The following ZBTB39 variants were observed in gnomAD, a reference collection of about 807,000 sequenced individuals.
ZBTB39 encodes zinc finger and BTB domain-containing protein 39.
In ZBTB39, 25 loss-of-function variants were observed where a neutral mutation model predicts 39.4. The observed-to-expected ratio is 0.63, with a 90% CI of 0.46 to 0.89. The LOEUF (loss-of-function observed/expected upper bound fraction) is 0.89, where lower values mean the gene tolerates loss of function less well. Among genes scored for constraint, ZBTB39 ranks in the 40% least tolerant of loss-of-function variants. The pLI is 0.00. For missense variants in ZBTB39, 891 were observed against 909.7 expected, an observed-to-expected ratio of 0.98 and a Z score of 0.26; for synonymous variants, 373 against 359.6, an observed-to-expected ratio of 1.04 and a Z score of -0.42.
Position 57,004,627 on chromosome 12 carries a change from G to A in ZBTB39, c.291C>T (p.Ile97=). The A allele has an allele frequency of 6.2e-7, 1 of 1,614,212 alleles. No homozygotes were observed. The highest frequency in any genetic ancestry group is 8.5e-7 in the Non-Finnish European group (1 of 1,180,044). The stretch of plus-strand genomic sequence containing the variant: ...CTACCTCGTAGATGACCCCAACATT[G>A]ATCAGGTCTGTGAAGAGTTCTGAAG... ...VYTSELFTDL[I]NVGVIYEVAE... is the part of the protein sequence containing the mutation. Residue 97 remains isoleucine, a synonymous_variant, in exon 2 of 2, where the codon ATC becomes ATT. Transcript: ENST00000300101.
chr12:57,004,932 T>A lies in ZBTB39; in HGVS notation c.-15A>T. The A allele has an allele frequency of 6.4e-7, 1 of 1,569,464 alleles. No individual in the cohort carries two copies. Among genetic ancestry groups the A allele is most frequent in the Non-Finnish European group, 8.7e-7 (1 of 1,154,532 alleles). The stretch of plus-strand genomic sequence containing the variant: ...CTCATGCCCATCTTAGCAGCTCCTA[T>A]GAAATTACCTCCTTATCAGCACAGT... On this transcript the variant is annotated 5_prime_UTR_variant, in exon 2 of 2. Transcript: ENST00000300101.
chr12:57,003,033 C>T lies in ZBTB39; in HGVS notation c.1885G>A (p.Gly629Arg). Residue 629 changes from glycine to arginine, a missense_variant, in exon 2 of 2, where the codon GGG (glycine) becomes AGG (arginine). By Grantham distance (125) the Gly-to-Arg change is moderately radical. Coordinates refer to ENST00000300101, the MANE Select transcript of ZBTB39 (RefSeq NM_014830.3). This position sits in a 1 kb window ranked among gnomAD's most constrained non-coding sequence, Gnocchi z 4.8. ...ACCTTACATTGGTATGGCTTCTCCC[C>T]CGTGTGGATCCGCCGGTGGTAGTTG... Reference protein sequence around the residue: ...EFNYHRRIHTGEKPYQCKVCH... With the variant: ...EFNYHRRIHTREKPYQCKVCH... 1 of 1,614,208 alleles carries T rather than the reference C, an allele frequency of 6.2e-7. No individual in the cohort carries two copies. The highest frequency in any genetic ancestry group is 8.5e-7 in the Non-Finnish European group (1 of 1,180,028).
chr12:57,003,017 T>C lies in ZBTB39; in HGVS notation c.1901A>G (p.Gln634Arg), dbSNP rs1364571985. 3 of 1,614,164 alleles carry C rather than the reference T, an allele frequency of 1.9e-6. No homozygotes were observed. The highest frequency in any genetic ancestry group is 2.5e-6 in the Non-Finnish European group (3 of 1,180,016). ...AAAGAACTTGTGGCACACCTTACAT[T>C]GGTATGGCTTCTCCCCCGTGTGGAT... ...RRIHTGEKPYQCKVCHKFFRG... is the reference protein window; with the variant it reads ...RRIHTGEKPYRCKVCHKFFRG... Residue 634 changes from glutamine (Q) to arginine (R), a missense_variant, in exon 2 of 2, where the codon CAA becomes CGA. Gln to Arg is a conservative substitution (Grantham distance 43). Transcript: ENST00000300101. The surrounding 1 kb of genome is among the most constrained non-coding windows in gnomAD (Gnocchi z 4.8).
Position 57,002,962 on chromosome 12 carries a change from T to C in ZBTB39, c.1956A>G (p.Leu652=), listed in dbSNP as rs1441076739. The C allele has an allele frequency of 2.5e-6, 4 of 1,614,140 alleles. No homozygotes were observed. Among genetic ancestry groups the C allele is most frequent in the African/African-American group, 2.7e-5 (2 of 74,954 alleles). The part of the protein sequence containing the change: ...FRGRSTIKCH[L]KTHSGALMYR... ...ACATGAGGGCCCCCGAGTGTGTCTTTAGGTGGCACTTGATGGTCGAGCGGC... is the reference window on the plus strand; with the variant it reads ...ACATGAGGGCCCCCGAGTGTGTCTTCAGGTGGCACTTGATGGTCGAGCGGC... The change falls in exon 2 of 2, where the codon CTA becomes CTG. Residue 652 remains leucine (L), a synonymous_variant. Transcript: ENST00000300101.
rs370599628 is a variant in ZBTB39 at position 57,002,934 on chromosome 12, G to A, written c.1984C>T (p.Arg662Cys). 62 of 1,614,118 alleles carry A rather than the reference G, an allele frequency of 3.8e-5. No individual in the cohort carries two copies. The highest frequency in any genetic ancestry group is 4.9e-5 in the Non-Finnish European group (58 of 1,180,058). ...CTGTAGTGCCCACAGACTGTGCAGC[G>A]GTACATGAGGGCCCCCGAGTGTGTC... is the stretch of plus-strand genomic sequence containing the variant. The part of the protein sequence containing the change: ...LKTHSGALMY[R>C]CTVCGHYSST... Residue 662 changes from arginine (R) to cysteine (C), a missense_variant, in exon 2 of 2, where the codon CGC becomes TGC. Arg to Cys is a radical substitution (Grantham distance 180). Coordinates refer to ENST00000300101, the MANE Select transcript of ZBTB39 (RefSeq NM_014830.3).
chr12:57,003,118 A>G lies in ZBTB39; in HGVS notation c.1800T>C (p.Pro600=). The part of the protein sequence containing the change: ...LGEELALQGQ[P]GNSKYSCKVC... Reference sequence around the variant, plus strand: ...CCTTGCAGCTATACTTGCTGTTCCCAGGTTGGCCCTGCAGCGCCAGCTCTT... The same window carrying G: ...CCTTGCAGCTATACTTGCTGTTCCCGGGTTGGCCCTGCAGCGCCAGCTCTT... The change falls in exon 2 of 2, where the codon CCT becomes CCC. Residue 600 remains proline, a synonymous_variant. Coordinates refer to ENST00000300101, the MANE Select transcript of ZBTB39 (RefSeq NM_014830.3). The surrounding 1 kb of genome is among the most constrained non-coding windows in gnomAD (Gnocchi z 4.8). 1 of 1,614,182 alleles carries G rather than the reference A, an allele frequency of 6.2e-7. No individual in the cohort carries two copies.
Position 57,004,293 on chromosome 12 carries a change from T to A in ZBTB39, c.625A>T (p.Thr209Ser). ...GGAGCAGGGGTGTCATGGTCTTCTG[T>A]CTTTGGCGGTGGTGGGGGCGGTTGC... ...LPQPPPPPPK[T>S]EDHDTPAPFT... Residue 209 changes from threonine to serine, a missense_variant, in exon 2 of 2, where the codon ACA (threonine) becomes TCA (serine). By Grantham distance (58) the Thr-to-Ser change is moderately conservative. Coordinates refer to ENST00000300101, the MANE Select transcript of ZBTB39 (RefSeq NM_014830.3). The A allele has an allele frequency of 6.2e-7, 1 of 1,614,036 alleles. No individual in the cohort carries two copies. Among genetic ancestry groups the A allele is most frequent in the Non-Finnish European group, 8.5e-7 (1 of 1,180,002 alleles).
intron 1 of ZBTB39, among the ~76,000 whole-genome samples, chr12:57,005,818 A>AC (rs1411341022): frequency 6.6e-6 from 1 of 152,224 alleles, no homozygotes; most frequent in African/African-American, 2.4e-5. Flanking sequence ...TGACTCCTGC[A>AC]CGACTAAGGA....
At chr12:57,006,141 G>C (rs1489357925) in intron 1 of ZBTB39, among the ~76,000 whole-genome samples, 1 of 152,062 alleles carries the variant, frequency 6.6e-6, no homozygotes, top group Admixed American at 6.5e-5. Flanking sequence ...CGCTGCATCG[G>C]CTGGGGCGCT....
chr12:57,002,805 C>T lies in ZBTB39; in HGVS notation c.2113G>A (p.Glu705Lys). 1 of 1,614,152 alleles carries T rather than the reference C, an allele frequency of 6.2e-7. No homozygotes were observed. Among genetic ancestry groups the T allele is most frequent in the Non-Finnish European group, 8.5e-7 (1 of 1,180,004 alleles). The change falls in exon 2 of 2, where the codon GAG (glutamate) becomes AAG (lysine). Residue 705 changes from glutamate (E) to lysine (K), a missense_variant. Coordinates refer to ENST00000300101, the MANE Select transcript of ZBTB39 (RefSeq NM_014830.3). ...CAACTGTCCGGGTTCTTATCCGCCT[C>T]TTTGGAATGGATGATGTACATGAAG... ...QTFMYIIHSK[E>K]ADKNPDS
At chr12:57,006,275 C>A in intron 1 of ZBTB39, 130 bp downstream of exon 1, 2 of 152,266 alleles carry the variant, frequency 1.3e-5, no homozygotes, top group South Asian at 3.8e-4. Context: ...CGGCCGGGGT[C>A]GGCGCGCGGG....
Position 57,003,913 on chromosome 12 carries a change from A to T in ZBTB39, c.1005T>A (p.Asn335Lys), listed in dbSNP as rs749010094. Residue 335 changes from asparagine to lysine, a missense_variant, in exon 2 of 2, where the codon AAT becomes AAA. Coordinates refer to ENST00000300101, the MANE Select transcript of ZBTB39 (RefSeq NM_014830.3). This position sits in a 1 kb window ranked among gnomAD's most constrained non-coding sequence, Gnocchi z 4.8. The stretch of plus-strand genomic sequence containing the variant: ...GCATGGCCTTATTCTCCCGATTGTC[A>T]TTCTCTCCAAAAGCCAACTCATCCT... ...DSEDELAFGE[N>K]DNRENKAMPC... The T allele has an allele frequency of 2.5e-6, 4 of 1,614,096 alleles. No individual in the cohort carries two copies.
rs780985569 is a variant in ZBTB39, at chr12:57,004,728, G to A, written c.190C>T (p.Leu64Phe). 1 of 1,614,174 alleles carries A rather than the reference G, an allele frequency of 6.2e-7. No individual in the cohort carries two copies. The change falls in exon 2 of 2, where the codon CTT becomes TTT. Residue 64 changes from leucine (L) to phenylalanine (F), a missense_variant. Leu to Phe is a conservative substitution (Grantham distance 22, BLOSUM62 0). Transcript: ENST00000300101. ...ACCACATAGGTCCTGGCAGCATCAA[G>A]CCCAGTATTCAGGAAGAGGTTCTGG... Reference protein sequence around the residue: ...YFQNLFLNTGLDAARTYVVDF... With the variant: ...YFQNLFLNTGFDAARTYVVDF...
rs144703175 is a variant in ZBTB39 at position 57,004,792 on chromosome 12, C to G, written c.126G>C (p.Pro42=). 6.2e-7 allele frequency: 1 copy of G among 1,614,042 alleles called. No homozygotes were observed. The highest frequency in any genetic ancestry group is 8.5e-7 in the Non-Finnish European group (1 of 1,180,050). Residue 42 remains proline (P), a synonymous_variant, in exon 2 of 2, where the codon CCG becomes CCC. Coordinates refer to ENST00000300101, the MANE Select transcript of ZBTB39 (RefSeq NM_014830.3). ...CACAGGCCAGCACAGCCTTGTGGGC[C>G]GGGAAGGAGCGGCTCCCCACCACAA... The part of the protein sequence containing the change: ...VTIVVGSRSF[P]AHKAVLACAA...
Position 57,004,283 on chromosome 12 carries a change from T to A in ZBTB39, c.635A>T (p.His212Leu). The A allele has an allele frequency of 6.2e-7, 1 of 1,614,156 alleles. No homozygotes were observed. Among genetic ancestry groups the A allele is most frequent in the Non-Finnish European group, 8.5e-7 (1 of 1,180,022 alleles). ...PPPPPPKTED[H>L]DTPAPFTSIP... ...GGACGTGAAGGGAGCAGGGGTGTCATGGTCTTCTGTCTTTGGCGGTGGTGG... is the reference window on the plus strand; with the variant it reads ...GGACGTGAAGGGAGCAGGGGTGTCAAGGTCTTCTGTCTTTGGCGGTGGTGG... Residue 212 changes from histidine (H) to leucine (L), a missense_variant, in exon 2 of 2, where the codon CAT (histidine) becomes CTT (leucine). His to Leu is a moderately conservative substitution (Grantham distance 99). Coordinates refer to ENST00000300101, the MANE Select transcript of ZBTB39 (RefSeq NM_014830.3).
At position 57,003,984 on chromosome 12, in the gene ZBTB39, C is replaced by T; in HGVS notation, c.934G>A (p.Asp312Asn). Residue 312 changes from aspartate to asparagine, a missense_variant, in exon 2 of 2, where the codon GAT (aspartate) becomes AAT (asparagine). By Grantham distance (23) the Asp-to-Asn change is conservative. Coordinates refer to ENST00000300101, the MANE Select transcript of ZBTB39 (RefSeq NM_014830.3). The surrounding 1 kb of genome is among the most constrained non-coding windows in gnomAD (Gnocchi z 4.8). ...ATCACCTCCTCAGTTGTGCCTATAT[C>T]CTCAGCAGGGTCTTCAAACTGCAAG... Reference protein sequence around the residue: ...DDLQFEDPAEDIGTTEEVIEL... With the variant: ...DDLQFEDPAENIGTTEEVIEL... 1 of 1,614,244 alleles carries T rather than the reference C, an allele frequency of 6.2e-7. No individual in the cohort carries two copies. Among genetic ancestry groups the T allele is most frequent in the African/African-American group, 1.3e-5 (1 of 75,056 alleles).
rs551241802 is a variant in ZBTB39 at position 57,004,284 on chromosome 12, G to A, written c.634C>T (p.His212Tyr). Residue 212 changes from histidine (H) to tyrosine (Y), a missense_variant, in exon 2 of 2, where the codon CAT becomes TAT. His to Tyr is a moderately conservative substitution (Grantham distance 83, BLOSUM62 2). Transcript: ENST00000300101. ...GACGTGAAGGGAGCAGGGGTGTCAT[G>A]GTCTTCTGTCTTTGGCGGTGGTGGG... The part of the protein sequence containing the change: ...PPPPPPKTED[H>Y]DTPAPFTSIP... 60 of 1,614,194 alleles carry A rather than the reference G, an allele frequency of 3.7e-5. No homozygotes were observed. In the East Asian group the frequency reaches 7.8e-4, roughly 21 times the overall value.
In ZBTB39 at chr12:57,002,554, C is replaced by CA; in HGVS notation, c.*224dup. 1.8e-6 allele frequency: 1 copy of CA among 560,408 alleles called. No individual in the cohort carries two copies. Among genetic ancestry groups the CA allele is most frequent in the Non-Finnish European group, 3.1e-6 (1 of 319,158 alleles). 34.7% of individuals were successfully genotyped at this position (560,408 alleles called of 1,614,324 possible). A position where few individuals can be genotyped will look rare whatever the true frequency, so the allele number is the denominator to read the frequency against. ...CAAAAGAATGAAAAACATAGCCCTG[C>CA]ATGGGCAAGAACAGGTATGGAGGTA... On this transcript the variant is annotated 3_prime_UTR_variant, in exon 2 of 2. Transcript: ENST00000300101.
In ZBTB39 at chr12:57,003,163, T is replaced by G; in HGVS notation, c.1755A>C (p.Pro585=). 6.2e-7 allele frequency: 1 copy of G among 1,614,160 alleles called. No homozygotes were observed. Among genetic ancestry groups the G allele is most frequent in the Non-Finnish European group, 8.5e-7 (1 of 1,180,016 alleles). The part of the protein sequence containing the change: ...QHPALQKRKL[P]AEEFLGEELA... Reference sequence around the variant, plus strand: ...GCTCTTCACCCAGAAACTCCTCTGCTGGCAGCTTCCGCTTCTGGAGAGCTG... The same window carrying G: ...GCTCTTCACCCAGAAACTCCTCTGCGGGCAGCTTCCGCTTCTGGAGAGCTG... The change falls in exon 2 of 2, where the codon CCA becomes CCC. Residue 585 remains proline, a synonymous_variant. Coordinates refer to ENST00000300101, the MANE Select transcript of ZBTB39 (RefSeq NM_014830.3). This position sits in a 1 kb window ranked among gnomAD's most constrained non-coding sequence, Gnocchi z 4.8.
Sources: gnomAD v4.1 joint callset for allele counts (sites outside exome capture counted in the v4.1 genomes callset) on GRCh38, gnomAD v4.1.1 for gene constraint, Gnocchi (gnomAD v3.1) non-coding constraint, MANE v1.5 for transcripts, NCBI Gene and HGNC (gene_info 2026-07-23, HGNC 2026-07-21) for gene names.